The following PCDHGA12 variants were observed in gnomAD, a reference collection of about 807,000 sequenced individuals.
PCDHGA12 encodes protocadherin gamma-A12.
Under a neutral mutation model 61.1 loss-of-function variants are expected in PCDHGA12, and 43 were observed. The observed-to-expected ratio is 0.70, with a 90% CI of 0.55 to 0.91. The LOEUF (loss-of-function observed/expected upper bound fraction) is 0.91. Ranked by LOEUF, PCDHGA12 falls within the 40% of genes least tolerant of loss-of-function variation. The probability of loss-of-function intolerance (pLI) is 0.00; values close to 1 mark genes in which losing one functional copy is unlikely to be tolerated. For missense variants in PCDHGA12, 1,236 were observed against 1,227.7 expected, an observed-to-expected ratio of 1.01 and a Z score of -0.10; for synonymous variants, 520 against 542.9, an observed-to-expected ratio of 0.96 and a Z score of 0.59.
chr5:141,480,730 G>A (rs1261461187), intron 1 of PCDHGA12, among the ~76,000 whole-genome samples: 1 of 152,168 alleles, frequency 6.6e-6, no homozygotes, highest in East Asian at 1.9e-4. Flanking sequence ...GTCTCTGGGG[G>A]TGGGACATAG....
chr5:141,490,103 C>T lies in PCDHGA12; in HGVS notation c.2425-4704C>T, dbSNP rs1012215533. ...TCTTTTGGAGACCACACATCTGAGG[C>T]AGTGCGGAACCTCTTTGGCCTAGAC... On this transcript the variant is annotated intron_variant, in intron 1 of 3. Coordinates refer to ENST00000252085, the MANE Select transcript of PCDHGA12 (RefSeq NM_003735.3). The surrounding 1 kb of genome is among the most constrained non-coding windows in gnomAD (Gnocchi z 5.4). The T allele has an allele frequency of 6.2e-7, 1 of 1,614,122 alleles. No homozygotes were observed. The highest frequency in any genetic ancestry group is 1.3e-5 in the African/African-American group (1 of 74,954).
At chr5:141,441,005 C>T (rs772059231) in intron 1 of PCDHGA12, 1 of 152,116 alleles carries the variant, frequency 6.6e-6, no homozygotes, top group Non-Finnish European at 1.5e-5. Context: ...CTAGTTTGGC[C>T]TTGATCAAAT....
At position 141,491,098 on chromosome 5, in the gene PCDHGA12, C is replaced by A. The variant is rs1283499077; in HGVS notation, c.2425-3709C>A. ...ACAGTCCACAGCCCCAGGACTGTTC[C>A]TCGTGTCTACACACACTGGTGAGGT... On this transcript the variant is annotated intron_variant, in intron 1 of 3. Coordinates refer to ENST00000252085, the MANE Select transcript of PCDHGA12 (RefSeq NM_003735.3). This position sits in a 1 kb window ranked among gnomAD's most constrained non-coding sequence, Gnocchi z 6.9. 6.2e-7 allele frequency: 1 copy of A among 1,614,216 alleles called. No individual in the cohort carries two copies. Among genetic ancestry groups the A allele is most frequent in the Non-Finnish European group, 8.5e-7 (1 of 1,180,038 alleles).
At chr5:141,508,576 C>A (rs1437398161) in intron 3 of PCDHGA12, among the ~76,000 whole-genome samples, 1 of 152,136 alleles carries the variant, frequency 6.6e-6, no homozygotes, top group African/African-American at 2.4e-5. Flanking sequence ...TGCACCCACT[C>A]GGGGTGCTAC....
At position 141,487,267 on chromosome 5, in the gene PCDHGA12, G is replaced by A; in HGVS notation, c.2425-7540G>A. 3 of 1,614,134 alleles carry A rather than the reference G, an allele frequency of 1.9e-6. No individual in the cohort carries two copies. The highest frequency in any genetic ancestry group is 2.5e-6 in the Non-Finnish European group (3 of 1,180,024). ...CCCTCTACTTGGCTGTGTCCCTAGT[G>A]GCAATTTGCTTTGTCTCCTTTGGCT... is the stretch of plus-strand genomic sequence containing the variant. On this transcript the variant is annotated intron_variant, in intron 1 of 3. Transcript: ENST00000252085. The surrounding 1 kb of genome is among the most constrained non-coding windows in gnomAD (Gnocchi z 5.0).
At chr5:141,446,604 G>C (rs1226194089) in intron 1 of PCDHGA12, among the ~76,000 whole-genome samples, 1 of 152,134 alleles carries the variant, frequency 6.6e-6, no homozygotes, top group Non-Finnish European at 1.5e-5. Flanking sequence ...AGCCTCCTGA[G>C]TAGCTGGGAC....
chr5:141,431,114 G>T lies in PCDHGA12; in HGVS notation c.355G>T (p.Val119Leu). The change falls in exon 1 of 4, where the codon GTA (valine) becomes TTA (leucine). Residue 119 changes from valine (V) to leucine (L), a missense_variant. Coordinates refer to ENST00000252085, the MANE Select transcript of PCDHGA12 (RefSeq NM_003735.3). This position sits in a 1 kb window ranked among gnomAD's most constrained non-coding sequence, Gnocchi z 4.8. Reference protein sequence around the residue: ...LMEDKVKIYGVEVEVRDINDN... With the variant: ...LMEDKVKIYGLEVEVRDINDN... The stretch of plus-strand genomic sequence containing the variant: ...GGAGGATAAAGTGAAAATATATGGA[G>T]TAGAAGTAGAAGTAAGGGACATTAA... 6.2e-7 allele frequency: 1 copy of T among 1,614,158 alleles called. No individual in the cohort carries two copies.
At chr5:141,463,526 A>G (rs989086820) in intron 1 of PCDHGA12, among the ~76,000 whole-genome samples, 1 of 131,914 alleles carries the variant, frequency 7.6e-6, no homozygotes, top group Non-Finnish European at 1.5e-5. Flanking sequence ...TCGGCTTACT[A>G]GAAACTCCGG....
chr5:141,478,956 T>C (rs2099484450), intron 1 of PCDHGA12, among the ~76,000 whole-genome samples: 1 of 152,200 alleles, frequency 6.6e-6, no homozygotes. Context: ...AACTACCTCA[T>C]TCCTCCACCT....
intron 1 of PCDHGA12, among the ~76,000 whole-genome samples, chr5:141,453,065 G>A (rs1308047230): frequency 3.3e-5 from 5 of 151,960 alleles, no homozygotes; most frequent in African/African-American, 1.2e-4. Flanking sequence ...TTAGAGTTTT[G>A]CCACACTCTG....
chr5:141,432,632 G>A lies in PCDHGA12; in HGVS notation c.1873G>A (p.Glu625Lys). 3.7e-6 allele frequency: 6 copies of A among 1,612,834 alleles called. No individual in the cohort carries two copies. The highest frequency in any genetic ancestry group is 5.1e-6 in the Non-Finnish European group (6 of 1,179,706). Residue 625 changes from glutamate (E) to lysine (K), a missense_variant, in exon 1 of 4, where the codon GAG (glutamate) becomes AAG (lysine). By Grantham distance (56) the Glu-to-Lys change is moderately conservative (BLOSUM62 1). Coordinates refer to ENST00000252085, the MANE Select transcript of PCDHGA12 (RefSeq NM_003735.3). The surrounding 1 kb of genome is among the most constrained non-coding windows in gnomAD (Gnocchi z 6.0). ...GLFSVGLHTG[E>K]VRTARALLDR... is the part of the protein sequence containing the mutation. ...CTTCTCGGTGGGTCTGCACACGGGC[G>A]AGGTGCGCACGGCGCGAGCCCTGCT...
Position 141,468,058 on chromosome 5 carries a change from C to T in PCDHGA12, c.2425-26749C>T, listed in dbSNP as rs993225792. ...TAGAAAACTAAGCCGGGCACAGTGG[C>T]TCACACCTGTAATCCCAGCACTTTG... On this transcript the variant is annotated intron_variant, in intron 1 of 3. Transcript: ENST00000252085. 1.1e-4 allele frequency among the ~76,000 whole-genome samples: 16 copies of T among 152,140 alleles called. 2 individuals carry two copies. The highest frequency in any genetic ancestry group is 5.2e-4 in the Admixed American group (8 of 15,276).
intron 1 of PCDHGA12, among the ~76,000 whole-genome samples, chr5:141,467,475 T>C (rs2099144764): frequency 6.6e-6 from 1 of 152,248 alleles, no homozygotes; most frequent in Non-Finnish European, 1.5e-5. Flanking sequence ...GCATGGTTTT[T>C]GGTTTCCACA....
At chr5:141,499,271 T>C (rs2099790752) in intron 2 of PCDHGA12, among the ~76,000 whole-genome samples, 1 of 152,180 alleles carries the variant, frequency 6.6e-6, no homozygotes, top group South Asian at 2.1e-4. Context: ...GTCCCTAGAC[T>C]GTTCTCTGAT....
In PCDHGA12 at chr5:141,485,472, C is replaced by T. The variant is rs1185020546; in HGVS notation, c.2425-9335C>T. On this transcript the variant is annotated intron_variant, in intron 1 of 3. Transcript: ENST00000252085. This position sits in a 1 kb window ranked among gnomAD's most constrained non-coding sequence, Gnocchi z 5.7. The stretch of plus-strand genomic sequence containing the variant: ...CGAGAGGCACTGTGTGGGCTCAGTG[C>T]CAGCTGCATCGTGCCCCTGGAGTTT... The T allele has an allele frequency of 3.1e-6, 5 of 1,614,138 alleles. No individual in the cohort carries two copies. In the South Asian group the frequency reaches 5.5e-5, roughly 18 times the overall value.
At chr5:141,499,730 T>C (rs1412528402) in intron 2 of PCDHGA12, among the ~76,000 whole-genome samples, 1 of 143,912 alleles carries the variant, frequency 6.9e-6, no homozygotes, top group East Asian at 2.1e-4. Context: ...AGTCTCACTC[T>C]CTTGCCCAGG....
rs2099745754 is a variant in PCDHGA12 at position 141,493,023 on chromosome 5, T to A, written c.2425-1784T>A. Among the ~76,000 whole-genome samples the A allele has an allele frequency of 6.6e-6, 1 of 152,190 alleles. No individual in the cohort carries two copies. The highest frequency in any genetic ancestry group is 2.4e-5 in the African/African-American group (1 of 41,450). On this transcript the variant is annotated intron_variant, in intron 1 of 3. Coordinates refer to ENST00000252085, the MANE Select transcript of PCDHGA12 (RefSeq NM_003735.3). The surrounding 1 kb of genome is among the most constrained non-coding windows in gnomAD (Gnocchi z 4.3). ...CTATAGGCTCTGCCAGATGCCAGGGTGCCCTTATGTGTGAGGAAACTACAA... is the reference window on the plus strand; with the variant it reads ...CTATAGGCTCTGCCAGATGCCAGGGAGCCCTTATGTGTGAGGAAACTACAA...
intron 2 of PCDHGA12, among the ~76,000 whole-genome samples, chr5:141,504,968 C>A (rs1377016827): frequency 1.3e-5 from 2 of 152,206 alleles, no homozygotes; most frequent in East Asian, 3.9e-4. Context: ...ATTGGACCAG[C>A]CTGGCCAACA....
Position 141,486,929 on chromosome 5 carries a change from G to A in PCDHGA12, c.2425-7878G>A. 2.5e-6 allele frequency: 4 copies of A among 1,614,226 alleles called. No individual in the cohort carries two copies. Among genetic ancestry groups the A allele is most frequent in the Non-Finnish European group, 2.5e-6 (3 of 1,180,038 alleles). ...CCAAGCACTGCCTCCATCAGTTGGT[G>A]CTGGCCACCTAATCACAAAGGTGAC... On this transcript the variant is annotated intron_variant, in intron 1 of 3. Transcript: ENST00000252085. This position sits in a 1 kb window ranked among gnomAD's most constrained non-coding sequence, Gnocchi z 5.0.
Sources: gnomAD v4.1 joint callset for allele counts (sites outside exome capture counted in the v4.1 genomes callset) on GRCh38, gnomAD v4.1.1 for gene constraint, Gnocchi (gnomAD v3.1) non-coding constraint, MANE v1.5 for transcripts, NCBI Gene and HGNC (gene_info 2026-07-23, HGNC 2026-07-21) for gene names.